Variants in PADI4 observed in about 807,000 individuals in gnomAD.
PADI4 encodes the protein peptidyl arginine deiminase 4.
In PADI4, 62 loss-of-function variants were observed where a neutral mutation model predicts 75.0. The ratio of observed to expected loss-of-function variants is 0.83; its 90% CI spans 0.67 to 1.02. PADI4 has a LOEUF of 1.02. PADI4 is among the 50% of genes least tolerant of loss of function. PADI4 has a pLI of 0.00. For missense variants in PADI4, 845 were observed against 850.5 expected (o/e 0.99, Z 0.08); for synonymous variants, 361 against 348.1 (o/e 1.04, Z -0.41).
intron 15 of PADI4, among the ~76,000 whole-genome samples, chr1:17,360,366 AG>A (rs2100260345): frequency 1.3e-5 from 2 of 151,624 alleles, no homozygotes; most frequent in South Asian, 4.2e-4. Context: ...TCCTCTGGTG[AG>A]GACTGATAGT....
At position 17,339,689 on chromosome 1, in the gene PADI4, C is replaced by T. The variant is rs1418022502; in HGVS notation, c.528C>T (p.Asp176=). 2 of 1,613,790 alleles carry T rather than the reference C, an allele frequency of 1.2e-6. No homozygotes were observed. Among genetic ancestry groups the T allele is most frequent in the Non-Finnish European group, 1.7e-6 (2 of 1,179,922 alleles). Residue 176 remains aspartate, a splice_region_variant and synonymous_variant, in exon 6 of 16, where the codon GAC becomes GAT. Transcript: ENST00000375448. ...CEDDEVLDSE[D]LQDMSLMTLS... ...CAGGCAATGCCCTTCTCATCCCAGA[C>T]CTGCAGGACATGTCGCTGATGACCC... is the stretch of plus-strand genomic sequence containing the variant.
chr1:17,314,364 G>A (rs1174302598), intron 1 of PADI4, among the ~76,000 whole-genome samples: 1 of 152,204 alleles, frequency 6.6e-6, no homozygotes, highest in East Asian at 1.9e-4. Flanking sequence ...GAGCCTCCAG[G>A]CTTTGGCAGA....
chr1:17,331,243 G>A lies in PADI4; in HGVS notation c.273+94G>A, dbSNP rs959696522. The A allele has an allele frequency of 5.4e-5, 60 of 1,102,224 alleles. No individual in the cohort carries two copies. In the Middle Eastern group the frequency reaches 6.5e-4, roughly 12 times the overall value. 68.3% of individuals were successfully genotyped at this position (1,102,224 alleles called of 1,614,324 possible). A position where few individuals can be genotyped will look rare whatever the true frequency, so the allele number is the denominator to read the frequency against. On this transcript the variant is annotated intron_variant, in intron 2 of 15. Transcript: ENST00000375448. The stretch of plus-strand genomic sequence containing the variant: ...TGCCGTGATCCACAGCACCAGCCTG[G>A]CAGAGCCTCTTGCCCTGTGGAAGAG...
intron 10 of PADI4, among the ~76,000 whole-genome samples, chr1:17,350,633 C>A (rs997952545): frequency 1.5e-5 from 2 of 130,838 alleles, no homozygotes; most frequent in African/African-American, 5.0e-5. Flanking sequence ...CATTTGCCTG[C>A]AGAAATCCAA....
In PADI4 at chr1:17,312,625, G is replaced by T. The variant is rs139051898; in HGVS notation, c.92+4311G>T. Reference sequence around the variant, plus strand: ...ATAGTCACTTATGCCTTGAGCTCAGGGAATCTATATTGTCACAAATGATAA... The same window carrying T: ...ATAGTCACTTATGCCTTGAGCTCAGTGAATCTATATTGTCACAAATGATAA... On this transcript the variant is annotated intron_variant, in intron 1 of 15. Transcript: ENST00000375448. Among the ~76,000 whole-genome samples the T allele has an allele frequency of 3.2e-3, 484 of 152,210 alleles. 4 individuals are homozygous for T. The highest frequency in any genetic ancestry group is 0.011 in the African/African-American group (463 of 41,514).
At chr1:17,345,225 T>C (rs1208682127) in intron 8 of PADI4, among the ~76,000 whole-genome samples, 1 of 152,212 alleles carries the variant, frequency 6.6e-6, no homozygotes, top group Admixed American at 6.5e-5. Context: ...TTGGCCAATT[T>C]CTCCCATTTG....
At chr1:17,311,824 C>T (rs1019033843) in intron 1 of PADI4, among the ~76,000 whole-genome samples, 10 of 152,236 alleles carry the variant, frequency 6.6e-5, no homozygotes, top group South Asian at 4.1e-4. Context: ...CGCGCCCAGC[C>T]GGGTTTCCTT....
rs1238261060 is a variant in PADI4, at chr1:17,356,523, C to T, written c.1558+64C>T. 5.1e-6 allele frequency: 5 copies of T among 974,784 alleles called. No individual in the cohort carries two copies. In the East Asian group the frequency reaches 1.2e-4, roughly 24 times the overall value. 60.4% of individuals were successfully genotyped at this position (974,784 alleles called of 1,614,324 possible). A position where few individuals can be genotyped will look rare whatever the true frequency, so the allele number is the denominator to read the frequency against. On this transcript the variant is annotated intron_variant, in intron 13 of 15. Transcript: ENST00000375448. This position sits in a 1 kb window ranked among gnomAD's most constrained non-coding sequence, Gnocchi z 4.1. Reference sequence around the variant, plus strand: ...TCCTGCTTCCCATAGTCCGCTGTTGCCTGGAGGGAATCATCCAGGCAATAG... The same window carrying T: ...TCCTGCTTCCCATAGTCCGCTGTTGTCTGGAGGGAATCATCCAGGCAATAG...
rs1375645519 is a variant in PADI4, at chr1:17,352,051, GGGAGGTGATGGGAGGTGGGAA to G, written c.1156-2480_1156-2460del. 2.1e-3 allele frequency among the ~76,000 whole-genome samples: 255 copies of G among 124,056 alleles called. 5 individuals carry two copies. Among genetic ancestry groups the G allele is most frequent in the African/African-American group, 3.0e-3 (94 of 31,104 alleles). The allele number at this position is 124,056 out of a possible 152,430, so 81.4% of individuals were successfully genotyped here. A position where few individuals can be genotyped will look rare whatever the true frequency, so the allele number is the denominator to read the frequency against. ...GAGGTGATGGGAGGAGAGGCAGTCA[GGGAGGTGATGGGAGGTGGGAA>G]GAGAGGCAGTCAGGGAGGTGATGGG... On this transcript the variant is annotated intron_variant, in intron 10 of 15. Transcript: ENST00000375448.
chr1:17,359,642 G>A (rs781617826), intron 15 of PADI4, among the ~76,000 whole-genome samples: 4 of 152,176 alleles, frequency 2.6e-5, no homozygotes, highest in South Asian at 2.1e-4. Context: ...CAAGCCACAC[G>A]GAGTTCCCCA....
chr1:17,317,962 T>C (rs2073968720), intron 1 of PADI4, among the ~76,000 whole-genome samples: 1 of 152,216 alleles, frequency 6.6e-6, no homozygotes, highest in Non-Finnish European at 1.5e-5. Context: ...AGTTCAAGTC[T>C]GCCGTGAGCC....
rs1570099450 is a variant in PADI4 at position 17,358,428 on chromosome 1, G to A, written c.1559-410G>A. Among the ~76,000 whole-genome samples, 2 of 54,120 alleles carry A rather than the reference G, an allele frequency of 3.7e-5. 1 individual carries two copies. Among genetic ancestry groups the A allele is most frequent in the African/African-American group, 2.6e-4 (2 of 7,658 alleles). The allele number at this position is 54,120 out of a possible 152,430, so 35.5% of individuals were successfully genotyped here. A position where few individuals can be genotyped will look rare whatever the true frequency, so the allele number is the denominator to read the frequency against. On this transcript the variant is annotated intron_variant, in intron 13 of 15. Coordinates refer to ENST00000375448, the MANE Select transcript of PADI4 (RefSeq NM_012387.3). ...TAAAAATACAAAAAATTAGCCGGGCGAGGTGGCGGGCGCCTGTAGTCCCAG... is the reference window on the plus strand; with the variant it reads ...TAAAAATACAAAAAATTAGCCGGGCAAGGTGGCGGGCGCCTGTAGTCCCAG...
intron 10 of PADI4, among the ~76,000 whole-genome samples, chr1:17,349,037 G>C (rs1439259718): frequency 6.6e-6 from 1 of 152,204 alleles, no homozygotes; most frequent in African/African-American, 2.4e-5. Context: ...TCAACAACTT[G>C]TCCCGAGTCT....
At chr1:17,359,811 G>T (rs745524260) in intron 15 of PADI4, among the ~76,000 whole-genome samples, 17 of 152,226 alleles carry the variant, frequency 1.1e-4, no homozygotes, top group Non-Finnish European at 1.8e-4. Flanking sequence ...AACATCAAGA[G>T]AGAAGGGGAT....
chr1:17,363,736 G>C lies in PADI4; in HGVS notation c.1973G>C (p.Trp658Ser). 1 of 1,612,896 alleles carries C rather than the reference G, an allele frequency of 6.2e-7. No homozygotes were observed. Residue 658 changes from tryptophan to serine, a missense_variant, in exon 16 of 16, where the codon TGG becomes TCG. Coordinates refer to ENST00000375448, the MANE Select transcript of PADI4 (RefSeq NM_012387.3). ...CGCAGAAAGCCCTTCTCCTTCAAGT[G>C]GTGGAACATGGTGCCCTGAGCCCAT... ...NVRRKPFSFK[W>S]WNMVP
chr1:17,363,414 C>T, intron 15 of PADI4, 108 bp from the exon 16 acceptor site: 1 of 735,478 alleles, frequency 1.4e-6, no homozygotes, highest in Non-Finnish European at 2.3e-6. Context: ...TGAGCCACCA[C>T]CCCTGGAGGG....
intron 1 of PADI4, among the ~76,000 whole-genome samples, chr1:17,313,168 C>T (rs886861487): frequency 3.3e-5 from 5 of 150,808 alleles, no homozygotes; most frequent in East Asian, 3.9e-4. Flanking sequence ...CCAGCCTAGG[C>T]GACAGAGCGA....
chr1:17,329,804 C>T (rs1303234471), intron 1 of PADI4, among the ~76,000 whole-genome samples: 1 of 152,174 alleles, frequency 6.6e-6, no homozygotes, highest in Admixed American at 6.6e-5. Flanking sequence ...CCTAGATAAT[C>T]CGACTTTCCT....
Position 17,356,037 on chromosome 1 carries a change from G to T in PADI4, c.1365G>T (p.Gln455His). The change falls in exon 12 of 16, where the codon CAG becomes CAT. Residue 455 changes from glutamine (Q) to histidine (H), a missense_variant. Transcript: ENST00000375448. This position sits in a 1 kb window ranked among gnomAD's most constrained non-coding sequence, Gnocchi z 4.1. ...TGCAGGACTTCCTCAGTGCCCAGCAGGTGCAGGCCCCTGTGAAGCTCTATT... is the reference window on the plus strand; with the variant it reads ...TGCAGGACTTCCTCAGTGCCCAGCATGTGCAGGCCCCTGTGAAGCTCTATT... Reference protein sequence around the residue: ...QALQDFLSAQQVQAPVKLYSD... With the variant: ...QALQDFLSAQHVQAPVKLYSD... 1 of 1,614,124 alleles carries T rather than the reference G, an allele frequency of 6.2e-7. No individual in the cohort carries two copies. Among genetic ancestry groups the T allele is most frequent in the Non-Finnish European group, 8.5e-7 (1 of 1,180,002 alleles).
Sources: gnomAD v4.1 joint callset for allele counts (sites outside exome capture counted in the v4.1 genomes callset) on GRCh38, gnomAD v4.1.1 for gene constraint, Gnocchi (gnomAD v3.1) non-coding constraint, MANE v1.5 for transcripts, NCBI Gene and HGNC (gene_info 2026-07-23, HGNC 2026-07-21) for gene names.